The following SLC27A6 variants were observed in gnomAD, a reference collection of about 807,000 sequenced individuals.
The protein encoded by SLC27A6 is long-chain fatty acid transport protein 6.
In SLC27A6, 74 loss-of-function variants were observed where a neutral mutation model predicts 63.9. The ratio of observed to expected loss-of-function variants is 1.16; its 90% CI spans 0.96 to 1.40. The LOEUF (loss-of-function observed/expected upper bound fraction) is 1.40. Ranked by LOEUF, SLC27A6 falls within the 40% of genes most tolerant of loss-of-function variation. The pLI is 0.00. For missense variants in SLC27A6, 794 were observed against 732.9 expected (o/e 1.08, Z -0.96); for synonymous variants, 287 against 260.8 (o/e 1.10, Z -0.97).
intron 4 of SLC27A6, among the ~76,000 whole-genome samples, chr5:129,002,204 A>G (rs1751359726): frequency 6.6e-6 from 1 of 152,224 alleles, no homozygotes; most frequent in Non-Finnish European, 1.5e-5. Flanking sequence ...TGAAATGAGC[A>G]TTTTCTACAT....
At chr5:129,020,821 A>G (rs1354347618) in intron 5 of SLC27A6, among the ~76,000 whole-genome samples, 3 of 152,110 alleles carry the variant, frequency 2.0e-5, no homozygotes, top group African/African-American at 7.2e-5. Context: ...AACTCAGCTT[A>G]TTACAGCTAA....
chr5:129,024,453 T>G (rs1217030152), intron 6 of SLC27A6, among the ~76,000 whole-genome samples: 21 of 152,182 alleles, frequency 1.4e-4, no homozygotes, highest in Admixed American at 1.4e-3. Context: ...TTTCTTCATA[T>G]GTAAAGTAGA....
In SLC27A6 at chr5:128,966,096, T is replaced by TG. The variant is rs559891009; in HGVS notation, c.-37dup. 4.0e-6 allele frequency: 6 copies of TG among 1,515,548 alleles called. No individual in the cohort carries two copies. Among genetic ancestry groups the TG allele is most frequent in the Non-Finnish European group, 5.3e-6 (6 of 1,135,266 alleles). 93.9% of individuals were successfully genotyped at this position (1,515,548 alleles called of 1,614,324 possible). Reference sequence around the variant, plus strand: ...TGTGCCTGGAAGAGAAGGACGCTGGTGGGGGCTGAGATCAGAGCTGTCTTC... The same window carrying TG: ...TGTGCCTGGAAGAGAAGGACGCTGGTGGGGGGCTGAGATCAGAGCTGTCTTC... On this transcript the variant is annotated 5_prime_UTR_variant, in exon 1 of 10. Coordinates refer to ENST00000262462, the MANE Select transcript of SLC27A6 (RefSeq NM_001017372.3).
intron 2 of SLC27A6, among the ~76,000 whole-genome samples, chr5:128,988,377 C>T (rs550112906): frequency 9.5e-4 from 145 of 152,296 alleles, no homozygotes; most frequent in Non-Finnish European, 1.7e-3. Context: ...GTTTGAGATA[C>T]AGGCCTACTT....
intron 5 of SLC27A6, among the ~76,000 whole-genome samples, chr5:129,019,356 A>C (rs1247819549): frequency 6.6e-6 from 1 of 152,080 alleles, no homozygotes; most frequent in Non-Finnish European, 1.5e-5. Flanking sequence ...AAGCTTGAAA[A>C]AAGGGAGAAA....
chr5:128,984,584 C>T (rs1181964367), intron 1 of SLC27A6, among the ~76,000 whole-genome samples: 2 of 152,312 alleles, frequency 1.3e-5, no homozygotes, highest in East Asian at 3.9e-4. Context: ...GGTAATTTCT[C>T]AGTCTTCACC....
chr5:129,022,288 A>G (rs3851466), intron 5 of SLC27A6, among the ~76,000 whole-genome samples: 4,277 of 152,330 alleles, frequency 0.028, 66 homozygotes, highest in Non-Finnish European at 0.045. Flanking sequence ...TGATTACATT[A>G]AATAGAACTC....
At chr5:128,966,717 G>A in intron 1 of SLC27A6, 99 bp downstream of exon 1, 5 of 1,211,518 alleles carry the variant, frequency 4.1e-6, no homozygotes, top group Non-Finnish European at 5.4e-6. Flanking sequence ...AATATTTTGG[G>A]TGAGTGAAGT....
chr5:128,984,261 C>A (rs1750709369), intron 1 of SLC27A6, among the ~76,000 whole-genome samples: 1 of 152,172 alleles, frequency 6.6e-6, no homozygotes, highest in Non-Finnish European at 1.5e-5. Context: ...GACATTGTTT[C>A]TTTTGTATCC....
At chr5:129,013,099 TTTTA>T (rs2150148453) in intron 4 of SLC27A6, among the ~76,000 whole-genome samples, 1 of 152,080 alleles carries the variant, frequency 6.6e-6, no homozygotes, top group Admixed American at 6.5e-5. Flanking sequence ...TTTATATTTG[TTTTA>T]TTTATTTAAG....
intron 4 of SLC27A6, among the ~76,000 whole-genome samples, chr5:129,003,983 A>AAG (rs1751435476): frequency 6.6e-6 from 1 of 151,676 alleles, no homozygotes; most frequent in Non-Finnish European, 1.5e-5. Flanking sequence ...AAAAAAAAAA[A>AAG]AAAAAGAACC....
chr5:129,015,000 A>T (rs1751846839), intron 4 of SLC27A6, among the ~76,000 whole-genome samples: 1 of 152,184 alleles, frequency 6.6e-6, no homozygotes, highest in Non-Finnish European at 1.5e-5. Flanking sequence ...AAATAATGTG[A>T]TCCATTAATC....
At position 129,029,722 on chromosome 5, in the gene SLC27A6, G is replaced by A. The variant is rs145263734; in HGVS notation, c.1683+15G>A. ...TAAGAATTCAGGTAATTTTAGTGGC[G>A]GAGTTTACTATCAAATATAAGACAG... On this transcript the variant is annotated intron_variant, in intron 9 of 9. Transcript: ENST00000262462. The A allele has an allele frequency of 2.9e-4, 461 of 1,589,198 alleles. No homozygotes were observed. In the East Asian group the frequency reaches 7.1e-3, roughly 24 times the overall value.
intron 4 of SLC27A6, among the ~76,000 whole-genome samples, chr5:129,009,671 T>TTG (rs71000903): frequency 0.057 from 8,572 of 149,120 alleles, 524 homozygotes; most frequent in African/African-American, 0.16. Flanking sequence ...TAACATTTCT[T>TTG]TGTGTGTGTG....
Position 129,023,630 on chromosome 5 carries a change from C to G in SLC27A6, c.1175C>G (p.Thr392Ser). Residue 392 changes from threonine (T) to serine (S), a missense_variant, in exon 6 of 10, where the codon ACT (threonine) becomes AGT (serine). Physicochemically the swap from Thr to Ser is moderately conservative, Grantham distance 58 (BLOSUM62 1). Coordinates refer to ENST00000262462, the MANE Select transcript of SLC27A6 (RefSeq NM_001017372.3). ...RTNLFYKLLS[T>S]FDLIKYDFQK... ...TTTTTTTTTTTGCAGCTTCTTTCCA[C>G]TTTTGACTTAATAAAGTATGACTTT... 6.2e-7 allele frequency: 1 copy of G among 1,601,380 alleles called. No homozygotes were observed. Among genetic ancestry groups the G allele is most frequent in the Non-Finnish European group, 8.5e-7 (1 of 1,174,222 alleles).
In SLC27A6 at chr5:128,988,620, A is replaced by T. The variant is rs768962816; in HGVS notation, c.706A>T (p.Ile236Phe). 3 of 1,613,790 alleles carry T rather than the reference A, an allele frequency of 1.9e-6. No homozygotes were observed. The Admixed American group carries it at 5.0e-5, about 27-fold the overall frequency. ...TCCAGGTCTACCAAAAGCAGCTGTGATTAGTCAGCTGCAGGTTTTAAGGGG... is the reference window on the plus strand; with the variant it reads ...TCCAGGTCTACCAAAAGCAGCTGTGTTTAGTCAGCTGCAGGTTTTAAGGGG... The part of the protein sequence containing the change: ...GTTGLPKAAV[I>F]SQLQVLRGSA... The change falls in exon 3 of 10, where the codon ATT becomes TTT. Residue 236 changes from isoleucine to phenylalanine, a missense_variant. Physicochemically the swap from Ile to Phe is conservative, Grantham distance 21. Coordinates refer to ENST00000262462, the MANE Select transcript of SLC27A6 (RefSeq NM_001017372.3).
At chr5:129,023,309 G>A (rs1752135145) in intron 5 of SLC27A6, among the ~76,000 whole-genome samples, 1 of 152,030 alleles carries the variant, frequency 6.6e-6, no homozygotes. Flanking sequence ...AGTTAACAGA[G>A]TATATAATTG....
chr5:129,001,895 G>A (rs1430007229), intron 4 of SLC27A6, among the ~76,000 whole-genome samples: 1 of 152,126 alleles, frequency 6.6e-6, no homozygotes, highest in Non-Finnish European at 1.5e-5. Flanking sequence ...AGTATTTCGG[G>A]AAATGAATAA....
chr5:129,031,656 G>A (rs1752418824), intron 9 of SLC27A6, among the ~76,000 whole-genome samples: 1 of 151,758 alleles, frequency 6.6e-6, no homozygotes. Context: ...TTCTCTAAAA[G>A]TTCATGAATA....
Sources: allele counts gnomAD v4.1 joint callset (sites outside exome capture counted in the v4.1 genomes callset), GRCh38; gene constraint gnomAD v4.1.1; transcripts MANE v1.5; gene names NCBI Gene and HGNC (gene_info 2026-07-23, HGNC 2026-07-21).